The following MAGI1 variants were observed in gnomAD, a reference collection of about 807,000 sequenced individuals.
The protein encoded by MAGI1 is membrane associated guanylate kinase, WW and PDZ domain containing 1.
Under a neutral mutation model 139.9 loss-of-function variants are expected in MAGI1, and 58 were observed. That is an observed-to-expected ratio of 0.41 (90% CI 0.34 to 0.52). MAGI1 has a LOEUF of 0.52. MAGI1 is among the 20% of genes least tolerant of loss of function. The probability of loss-of-function intolerance (pLI) is 0.12; values close to 1 mark genes in which losing one functional copy is unlikely to be tolerated. For missense variants in MAGI1, 1,874 were observed against 1,901.6 expected (o/e 0.99, Z 0.27); for synonymous variants, 812 against 737.9 (o/e 1.10, Z -1.63).
intron 12 of MAGI1, among the ~76,000 whole-genome samples, chr3:65,420,090 C>G (rs1430334449): frequency 1.3e-5 from 2 of 151,840 alleles, no homozygotes; most frequent in African/African-American, 4.8e-5. Flanking sequence ...CCCTCCTGTT[C>G]CCCTAAAATA....
intron 1 of MAGI1, among the ~76,000 whole-genome samples, chr3:65,861,049 G>A (rs1461480194): frequency 6.6e-6 from 1 of 152,146 alleles, no homozygotes; most frequent in East Asian, 1.9e-4. Context: ...GCATCTCCAT[G>A]GATGTGAGAG....
At chr3:66,012,029 C>T (rs542211299) in intron 1 of MAGI1, among the ~76,000 whole-genome samples, 1 of 152,140 alleles carries the variant, frequency 6.6e-6, no homozygotes, top group Admixed American at 6.6e-5. Context: ...CTGTAACTCC[C>T]CCTACATCAC....
intron 2 of MAGI1, among the ~76,000 whole-genome samples, chr3:65,577,879 A>G (rs149428914): frequency 1.8e-3 from 271 of 152,296 alleles, no homozygotes; most frequent in African/African-American, 5.9e-3. Flanking sequence ...GGCAGGCAGA[A>G]TCAACCACAT....
In MAGI1 at chr3:65,470,444, T is replaced by C. The variant is rs763338326; in HGVS notation, c.798A>G (p.Thr266=). Residue 266 remains threonine (T), a synonymous_variant, in exon 5 of 23, where the codon ACA becomes ACG. Coordinates refer to ENST00000402939, the MANE Select transcript of MAGI1 (RefSeq NM_001033057.2). ...GEQEEHTLQE[T]ALPPVNSSII... Reference sequence around the variant, plus strand: ...TGCTACTATTCACAGGTGGTAATGCTGTTTCTTGGAGAGTGTGCTCCTCTT... The same window carrying C: ...TGCTACTATTCACAGGTGGTAATGCCGTTTCTTGGAGAGTGTGCTCCTCTT... 2.2e-5 allele frequency: 36 copies of C among 1,613,554 alleles called. No homozygotes were observed. Among genetic ancestry groups the C allele is most frequent in the Non-Finnish European group, 3.1e-5 (36 of 1,179,874 alleles).
chr3:65,498,006 G>A (rs536002748), intron 2 of MAGI1, among the ~76,000 whole-genome samples: 1 of 152,192 alleles, frequency 6.6e-6, no homozygotes, highest in African/African-American at 2.4e-5. Context: ...GCCCGCCCTG[G>A]GTCTGGGCCA....
intron 1 of MAGI1, among the ~76,000 whole-genome samples, chr3:65,707,738 ATAAT>A (rs2030614604): frequency 2.0e-5 from 3 of 151,942 alleles, no homozygotes; most frequent in African/African-American, 4.8e-5. Flanking sequence ...TGGAGAAAAG[ATAAT>A]TATTAAGCCA....
chr3:65,652,387 AGAT>A (rs1412257724), intron 1 of MAGI1, among the ~76,000 whole-genome samples: 1 of 152,186 alleles, frequency 6.6e-6, no homozygotes, highest in African/African-American at 2.4e-5. Flanking sequence ...ACGTGGGACC[AGAT>A]AATTCTTTGT....
At chr3:65,439,843 C>G (rs1488896899) in intron 9 of MAGI1, 36 bp downstream of exon 9, 1 of 1,606,442 alleles carries the variant, frequency 6.2e-7, no homozygotes, top group Non-Finnish European at 8.5e-7. Flanking sequence ...CCCATGCTCC[C>G]CTGATCAAGA....
rs59368783 is a variant in MAGI1 at position 65,437,073 on chromosome 3, AG to A, written c.1363+81del. The A allele has an allele frequency of 7.1e-3, 5,938 of 837,062 alleles. 223 individuals are homozygous for A. In the African/African-American group the frequency reaches 0.089, roughly 13 times the overall value. 51.9% of individuals were successfully genotyped at this position (837,062 alleles called of 1,614,324 possible). ...TCAAAGGAATGACTTGGGAGTTACGAGATTCCACTTTTCAAAATACCTTAAA... is the reference window on the plus strand; with the variant it reads ...TCAAAGGAATGACTTGGGAGTTACGAATTCCACTTTTCAAAATACCTTAAA... On this transcript the variant is annotated intron_variant, in intron 10 of 22. Coordinates refer to ENST00000402939, the MANE Select transcript of MAGI1 (RefSeq NM_001033057.2).
intron 1 of MAGI1, among the ~76,000 whole-genome samples, chr3:65,780,505 T>A (rs2038845561): frequency 6.6e-6 from 1 of 152,190 alleles, no homozygotes; most frequent in Non-Finnish European, 1.5e-5. Flanking sequence ...AGAAGAGCCC[T>A]GGAGAGCTAA....
chr3:65,624,640 G>A (rs1021291022), intron 1 of MAGI1, among the ~76,000 whole-genome samples: 3 of 152,134 alleles, frequency 2.0e-5, no homozygotes, highest in African/African-American at 4.8e-5. Flanking sequence ...GCGGAAGGTA[G>A]GCAAAAACTG....
intron 1 of MAGI1, among the ~76,000 whole-genome samples, chr3:65,856,041 C>A (rs1295007820): frequency 6.6e-6 from 1 of 152,056 alleles, no homozygotes; most frequent in Non-Finnish European, 1.5e-5. Flanking sequence ...ATCTGCTTTG[C>A]CCTATATGAT....
chr3:65,566,885 C>T (rs1248355200), intron 2 of MAGI1, among the ~76,000 whole-genome samples: 1 of 151,934 alleles, frequency 6.6e-6, no homozygotes, highest in African/African-American at 2.4e-5. Context: ...GCATGAGCCA[C>T]AGCATCCGGC....
At chr3:65,418,948 C>T (rs1946432128) in intron 12 of MAGI1, among the ~76,000 whole-genome samples, 1 of 152,196 alleles carries the variant, frequency 6.6e-6, no homozygotes, top group South Asian at 2.1e-4. Flanking sequence ...GGTCTTGTGA[C>T]ACTGTCTTCT....
At chr3:65,999,563 A>C (rs2107431625) in intron 1 of MAGI1, among the ~76,000 whole-genome samples, 1 of 152,216 alleles carries the variant, frequency 6.6e-6, no homozygotes. Flanking sequence ...TGAATAAAAC[A>C]AGTCTATTTT....
intron 2 of MAGI1, among the ~76,000 whole-genome samples, chr3:65,617,624 G>A (rs1419797562): frequency 1.3e-5 from 2 of 152,064 alleles, no homozygotes; most frequent in East Asian, 1.9e-4. Context: ...TGTGTGCTTC[G>A]AGTACCAGCC....
chr3:65,820,071 T>C (rs1011795868), intron 1 of MAGI1, among the ~76,000 whole-genome samples: 6 of 151,936 alleles, frequency 3.9e-5, no homozygotes, highest in Admixed American at 3.3e-4. Flanking sequence ...TATTAATCAG[T>C]TGATTGACCT....
At chr3:65,467,097 C>G (rs1950222633) in intron 5 of MAGI1, among the ~76,000 whole-genome samples, 1 of 152,156 alleles carries the variant, frequency 6.6e-6, no homozygotes, top group African/African-American at 2.4e-5. Flanking sequence ...GGGAACTCAC[C>G]ACCTAGTATT....
intron 2 of MAGI1, among the ~76,000 whole-genome samples, chr3:65,498,754 C>T (rs900674632): frequency 5.3e-5 from 8 of 152,160 alleles, no homozygotes; most frequent in Middle Eastern, 3.2e-3. Context: ...GGAAATGTTC[C>T]ATATCTGTGC....
Sources: gnomAD v4.1 joint callset for allele counts (sites outside exome capture counted in the v4.1 genomes callset) on GRCh38, gnomAD v4.1.1 for gene constraint, MANE v1.5 for transcripts, NCBI Gene and HGNC (gene_info 2026-07-23, HGNC 2026-07-21) for gene names.